Variants in KCNK1 observed in about 807,000 individuals in gnomAD.
KCNK1 encodes the protein potassium channel subfamily K member 1.
A neutral mutation model predicts 22.2 loss-of-function variants in KCNK1; 10 were observed. The observed-to-expected ratio is 0.45, with a 90% CI of 0.28 to 0.76. The LOEUF (loss-of-function observed/expected upper bound fraction) is 0.76. Ranked by LOEUF, KCNK1 falls within the 30% of genes least tolerant of loss-of-function variation. KCNK1 has a pLI of 0.14. For synonymous variants in KCNK1, 200 were observed against 186.4 expected (o/e 1.07, Z -0.60); for missense variants, 378 against 421.0 (o/e 0.90, Z 0.89).
intron 1 of KCNK1, among the ~76,000 whole-genome samples, chr1:233,621,484 C>T (rs1018069994): frequency 1.4e-4 from 22 of 152,152 alleles, no homozygotes; most frequent in African/African-American, 3.9e-4. Flanking sequence ...AGTCTTGCAA[C>T]GAACAATTTT....
chr1:233,662,701 C>T (rs1440233185), intron 1 of KCNK1, among the ~76,000 whole-genome samples: 1 of 152,188 alleles, frequency 6.6e-6, no homozygotes, highest in Non-Finnish European at 1.5e-5. Context: ...ATACATGCCT[C>T]ACAGATGCAA....
intron 1 of KCNK1, among the ~76,000 whole-genome samples, chr1:233,626,467 A>C (rs1425692689): frequency 6.6e-6 from 1 of 152,084 alleles, no homozygotes; most frequent in African/African-American, 2.4e-5. Flanking sequence ...CCACACTCGG[A>C]GTGTAGGTGA....
intron 1 of KCNK1, among the ~76,000 whole-genome samples, chr1:233,642,917 C>T (rs1297431310): frequency 6.6e-6 from 1 of 150,780 alleles, no homozygotes; most frequent in Non-Finnish European, 1.5e-5. Flanking sequence ...TACAGGCATG[C>T]GCCACCGCAC....
At chr1:233,629,094 A>T (rs1044150055) in intron 1 of KCNK1, among the ~76,000 whole-genome samples, 14 of 152,196 alleles carry the variant, frequency 9.2e-5, no homozygotes, top group African/African-American at 3.4e-4. Flanking sequence ...ACATGTGGGG[A>T]TGCATTAAAA....
intron 1 of KCNK1, among the ~76,000 whole-genome samples, chr1:233,620,507 G>C (rs569593371): frequency 6.6e-6 from 1 of 152,124 alleles, no homozygotes; most frequent in East Asian, 1.9e-4. Context: ...TTGTGTCACT[G>C]CTTTTTTTTT....
chr1:233,666,977 G>A lies in KCNK1; in HGVS notation c.738G>A (p.Lys246=). 1.2e-6 allele frequency: 2 copies of A among 1,610,776 alleles called. No homozygotes were observed. The highest frequency in any genetic ancestry group is 8.5e-7 in the Non-Finnish European group (1 of 1,178,596). Residue 246 remains lysine, a synonymous_variant, in exon 2 of 3, where the codon AAG becomes AAA. Transcript: ENST00000366621. ...ATCAAAAATTCAGAGAGCTCTATAA[G>A]ATTGGGATCACGTGTGAGTATTACA... ...GYNQKFRELY[K]IGITCYLLLG...
intron 1 of KCNK1, among the ~76,000 whole-genome samples, chr1:233,653,960 G>C (rs1240492194): frequency 1.3e-5 from 2 of 152,116 alleles, no homozygotes; most frequent in Non-Finnish European, 2.9e-5. Context: ...ACTGGAAAGA[G>C]TTCGGAGGTG....
chr1:233,641,895 C>T (rs146291129), intron 1 of KCNK1, among the ~76,000 whole-genome samples: 2 of 152,240 alleles, frequency 1.3e-5, no homozygotes, highest in East Asian at 3.9e-4. Flanking sequence ...TGCAGGGAGC[C>T]GCTTGGGCAG....
At position 233,614,890 on chromosome 1, in the gene KCNK1, G is replaced by A. The variant is rs538579291; in HGVS notation, c.355+364G>A. Among the ~76,000 whole-genome samples the A allele has an allele frequency of 3.9e-5, 6 of 152,314 alleles. No individual in the cohort carries two copies. In the East Asian group the frequency reaches 1.2e-3, roughly 29 times the overall value. On this transcript the variant is annotated intron_variant, in intron 1 of 2. Coordinates refer to ENST00000366621, the MANE Select transcript of KCNK1 (RefSeq NM_002245.4). ...GAGTTCTTTTTTCGCAACCCACTAA[G>A]CCAAACTGTCGGGTTTGAATGTGTA...
At chr1:233,622,843 T>G (rs1657615335) in intron 1 of KCNK1, among the ~76,000 whole-genome samples, 2 of 152,178 alleles carry the variant, frequency 1.3e-5, no homozygotes, top group Non-Finnish European at 2.9e-5. Flanking sequence ...GACATGGGAG[T>G]GTTTTTAATT....
At position 233,650,386 on chromosome 1, in the gene KCNK1, G is replaced by T. The variant is rs921868539; in HGVS notation, c.356-16209G>T. 2.0e-5 allele frequency among the ~76,000 whole-genome samples: 3 copies of T among 152,246 alleles called. No homozygotes were observed. In the East Asian group the frequency reaches 5.8e-4, roughly 29 times the overall value. ...CCACTTTAATAACATCTGTTAGTGT[G>T]GGAGAAGGTCTCTTAAAGGACTTGG... On this transcript the variant is annotated intron_variant, in intron 1 of 2. Coordinates refer to ENST00000366621, the MANE Select transcript of KCNK1 (RefSeq NM_002245.4).
intron 1 of KCNK1, among the ~76,000 whole-genome samples, chr1:233,634,566 C>T (rs1441414937): frequency 6.6e-6 from 1 of 152,102 alleles, no homozygotes; most frequent in East Asian, 1.9e-4. Flanking sequence ...CAGACAGTCC[C>T]GGATGGAGGC....
At chr1:233,619,336 T>C (rs1308346132) in intron 1 of KCNK1, among the ~76,000 whole-genome samples, 1 of 152,068 alleles carries the variant, frequency 6.6e-6, no homozygotes, top group East Asian at 1.9e-4. Context: ...TTCCTGCCAT[T>C]GGTAACCCTG....
chr1:233,621,520 T>G, intron 1 of KCNK1, among the ~76,000 whole-genome samples: 1 of 152,202 alleles, frequency 6.6e-6, no homozygotes, highest in South Asian at 2.1e-4. Flanking sequence ...ATGTCATTGT[T>G]TTAGAGCGCA....
chr1:233,624,940 G>A (rs1657659118), intron 1 of KCNK1, among the ~76,000 whole-genome samples: 1 of 152,104 alleles, frequency 6.6e-6, no homozygotes, highest in Non-Finnish European at 1.5e-5. Context: ...GTCTGGGTTG[G>A]GATCGGAGAT....
In KCNK1 at chr1:233,635,635, G is replaced by A. The variant is rs139286457; in HGVS notation, c.355+21109G>A. 1.7e-3 allele frequency among the ~76,000 whole-genome samples: 255 copies of A among 152,032 alleles called. 2 individuals carry two copies. The highest frequency in any genetic ancestry group is 4.3e-3 in the African/African-American group (179 of 41,464). On this transcript the variant is annotated intron_variant, in intron 1 of 2. Coordinates refer to ENST00000366621, the MANE Select transcript of KCNK1 (RefSeq NM_002245.4). ...ACTAAGCTATGAATTTGCTTTTGCC[G>A]AATGAAATTTATTCAATCATTTGCT...
intron 1 of KCNK1, among the ~76,000 whole-genome samples, chr1:233,665,699 C>T (rs555870011): frequency 5.3e-5 from 8 of 152,330 alleles, no homozygotes; most frequent in East Asian, 1.9e-4. Flanking sequence ...AGAGCCTTCC[C>T]GGCAAATGCC....
intron 1 of KCNK1, chr1:233,631,338 G>A (rs895195198): frequency 1.9e-6 from 1 of 524,626 alleles, no homozygotes; most frequent in Non-Finnish European, 3.9e-6. Context: ...GGGAAGAATG[G>A]GAATCACTGC....
At chr1:233,618,555 A>G (rs1157914082) in intron 1 of KCNK1, among the ~76,000 whole-genome samples, 1 of 152,212 alleles carries the variant, frequency 6.6e-6, no homozygotes, top group African/African-American at 2.4e-5. Context: ...TCATTCCCCA[A>G]AGCAAGGCCA....
Sources: allele counts gnomAD v4.1 joint callset (sites outside exome capture counted in the v4.1 genomes callset), GRCh38; gene constraint gnomAD v4.1.1; transcripts MANE v1.5; gene names NCBI Gene and HGNC (gene_info 2026-07-23, HGNC 2026-07-21).